Variants in IRF7 observed in about 807,000 individuals in gnomAD.
IRF7 encodes the protein interferon regulatory factor 7, also known as interferon regulatory factor-7H.
Under a neutral mutation model 51.3 loss-of-function variants are expected in IRF7, and 67 were observed. That is an observed-to-expected ratio of 1.31 (90% confidence interval 1.07 to 1.60). The LOEUF (loss-of-function observed/expected upper bound fraction) is 1.60, where lower values mean the gene tolerates loss of function less well. IRF7 is among the 40% of genes most tolerant of loss of function. The pLI, the probability that IRF7 is intolerant of heterozygous loss-of-function variation, is 0.00. For missense variants in IRF7, 873 were observed against 701.5 expected (o/e 1.24, Z -2.76); for synonymous variants, 427 against 301.3 (o/e 1.42, Z -4.32).
rs1286200733 is a variant in IRF7, at chr11:614,264, G to T, written c.589C>A (p.Leu197Met). The T allele has an allele frequency of 3.1e-6, 5 of 1,612,676 alleles. No homozygotes were observed. In the East Asian group the frequency reaches 1.1e-4, roughly 36 times the overall value. Residue 197 changes from leucine (L) to methionine (M), a missense_variant, in exon 6 of 11, where the codon CTG becomes ATG. By Grantham distance (15) the Leu-to-Met change is conservative. Transcript: ENST00000525445. Reference sequence around the variant, plus strand: ...GGATCTGCCCCCCATGACGCTGTCAGCAGATGGTCTGCCAGGCAGCTCTGT... The same window carrying T: ...GGATCTGCCCCCCATGACGCTGTCATCAGATGGTCTGCCAGGCAGCTCTGT... Reference protein sequence around the residue: ...VQQSCLADHLLTASWGADPVP... With the variant: ...VQQSCLADHLMTASWGADPVP...
rs146681075 is a variant in IRF7, at chr11:615,170, C to T, written c.110G>A (p.Arg37His). The change falls in exon 3 of 11, where the codon CGC becomes CAC. Residue 37 changes from arginine (R) to histidine (H), a missense_variant. By Grantham distance (29) the Arg-to-His change is conservative. Coordinates refer to ENST00000525445, the MANE Select transcript of IRF7 (RefSeq NM_001572.5). Reference protein sequence around the residue: ...YEGLQWLDEARTCFRVPWKHF... With the variant: ...YEGLQWLDEAHTCFRVPWKHF... ...CTTCCAGGGCACGCGGAAACAGGTG[C>T]GGGCCTCGTCCAGCCACTGCAGCCC... 3.5e-4 allele frequency: 556 copies of T among 1,603,658 alleles called. 4 individuals carry two copies. The African/African-American group carries it at 6.5e-3, about 19-fold the overall frequency.
At position 612,708 on chromosome 11, in the gene IRF7, G is replaced by A. The variant is rs1248556906; in HGVS notation, c.1449C>T (p.Ser483=). 5 of 1,612,998 alleles carry A rather than the reference G, an allele frequency of 3.1e-6. No homozygotes were observed. The highest frequency in any genetic ancestry group is 4.2e-6 in the Non-Finnish European group (5 of 1,180,012). Residue 483 remains serine, a synonymous_variant, in exon 11 of 11, where the codon TCC becomes TCT. Transcript: ENST00000525445. ...TGTCGTCATAGAGGCTGTTGGCGCT[G>A]GACAGGCAGAGGCTGAGGCTGCTGC... ...LDSSSLSLCL[S]SANSLYDDIE...
At chr11:614,681 G>A (rs1297868891) in intron 4 of IRF7, 116 bp downstream of exon 4, 2 of 1,389,306 alleles carry the variant, frequency 1.4e-6, no homozygotes, top group African/African-American at 1.4e-5. Context: ...CCTGTCCTGG[G>A]CCTGCTGGCA....
In IRF7 at chr11:614,423, CG is replaced by C. The variant is rs761864847; in HGVS notation, c.454-25del. 1.9e-6 allele frequency: 3 copies of C among 1,589,794 alleles called. No homozygotes were observed. In the African/African-American group the frequency reaches 4.0e-5, roughly 21 times the overall value. The stretch of plus-strand genomic sequence containing the variant: ...CCCTGCAGGGAAAAGTCAGGGTGAA[CG>C]TAAGCAGCTCCGCGGCCTGGCAGGA... On this transcript the variant is annotated intron_variant, in intron 5 of 10. Transcript: ENST00000525445.
In IRF7 at chr11:613,992, GT is replaced by G. The variant is rs1564882716; in HGVS notation, c.724del (p.Thr242ArgfsTer12). 3 of 1,608,422 alleles carry G rather than the reference GT, an allele frequency of 1.9e-6. No individual in the cohort carries two copies. In the South Asian group the frequency reaches 3.3e-5, roughly 18 times the overall value. ...GGGCTGGGGCCCGGGGCTGGGGGTC[GT>G]CTCTACTGCCCACCCGTACAGCTCC... ...AGELYGWAVE[T>X]TPSPGPQPAA... is the part of the protein sequence containing the mutation. On this transcript the variant is annotated frameshift_variant, in exon 7 of 11. Coordinates refer to ENST00000525445, the MANE Select transcript of IRF7 (RefSeq NM_001572.5). LOFTEE classifies it high-confidence loss of function.
chr11:615,167 G>T lies in IRF7; in HGVS notation c.113C>A (p.Thr38Asn). ...GTGCTTCCAGGGCACGCGGAAACAG[G>T]TGCGGGCCTCGTCCAGCCACTGCAG... ...EGLQWLDEAR[T>N]CFRVPWKHFA... Residue 38 changes from threonine to asparagine, a missense_variant, in exon 3 of 11, where the codon ACC becomes AAC. By Grantham distance (65) the Thr-to-Asn change is moderately conservative (BLOSUM62 0). Coordinates refer to ENST00000525445, the MANE Select transcript of IRF7 (RefSeq NM_001572.5). 6.2e-7 allele frequency: 1 copy of T among 1,604,332 alleles called. No individual in the cohort carries two copies. The highest frequency in any genetic ancestry group is 8.5e-7 in the Non-Finnish European group (1 of 1,179,114).
At position 614,319 on chromosome 11, in the gene IRF7, G is replaced by A. The variant is rs1201126026; in HGVS notation, c.534C>T (p.Asp178=). The A allele has an allele frequency of 3.7e-6, 6 of 1,611,340 alleles. No homozygotes were observed. The highest frequency in any genetic ancestry group is 3.3e-5 in the South Asian group (3 of 90,778). ...APGPLPAPAG[D]KGDLLLQAVQ... is the part of the protein sequence containing the mutation. ...CTGCCTGGAGCAGGAGGTCCCCCTTGTCACCAGCTGGGGCAGGGAGGGGGC... is the reference window on the plus strand; with the variant it reads ...CTGCCTGGAGCAGGAGGTCCCCCTTATCACCAGCTGGGGCAGGGAGGGGGC... The change falls in exon 6 of 11, where the codon GAC becomes GAT. Residue 178 remains aspartate, a synonymous_variant. Coordinates refer to ENST00000525445, the MANE Select transcript of IRF7 (RefSeq NM_001572.5).
rs1254902468 is a variant in IRF7 at position 613,420 on chromosome 11, C to G, written c.1023G>C (p.Lys341Asn). The change falls in exon 9 of 11, where the codon AAG (lysine) becomes AAC (asparagine). Residue 341 changes from lysine (K) to asparagine (N), a missense_variant. Coordinates refer to ENST00000525445, the MANE Select transcript of IRF7 (RefSeq NM_001572.5). ...GCAGTTCCTCCGTGTAGCGCAGCTGCTTCTGGTCCGGGAGCTCGGCAGGGC... is the reference window on the plus strand; with the variant it reads ...GCAGTTCCTCCGTGTAGCGCAGCTGGTTCTGGTCCGGGAGCTCGGCAGGGC... The part of the protein sequence containing the change: ...FPSPAELPDQ[K>N]QLRYTEELLR... 4 of 1,569,600 alleles carry G rather than the reference C, an allele frequency of 2.5e-6. No individual in the cohort carries two copies. Among genetic ancestry groups the G allele is most frequent in the South Asian group, 1.2e-5 (1 of 85,462 alleles).
intron 10 of IRF7, 55 bp downstream of exon 10, chr11:612,944 C>T (rs760975524): frequency 3.0e-5 from 48 of 1,592,004 alleles, no homozygotes; most frequent in South Asian, 6.7e-5. Flanking sequence ...GGGCATCAGG[C>T]GTCTGTCAGT....
In IRF7 at chr11:612,704, C is replaced by CGCTG; in HGVS notation, c.1449_1452dup (p.Ala485GlnfsTer7). 6.2e-7 allele frequency: 1 copy of CGCTG among 1,612,982 alleles called. No homozygotes were observed. The highest frequency in any genetic ancestry group is 8.5e-7 in the Non-Finnish European group (1 of 1,180,022). On this transcript the variant is annotated frameshift_variant, in exon 11 of 11. Coordinates refer to ENST00000525445, the MANE Select transcript of IRF7 (RefSeq NM_001572.5). LOFTEE classifies it high-confidence loss of function. ...TCGATGTCGTCATAGAGGCTGTTGGCGCTGGACAGGCAGAGGCTGAGGCTG... is the reference window on the plus strand; with the variant it reads ...TCGATGTCGTCATAGAGGCTGTTGGCGCTGGCTGGACAGGCAGAGGCTGAGGCTG...
chr11:615,537 C>T lies in IRF7; in HGVS notation c.-173G>A, dbSNP rs1284176651. 14 of 679,768 alleles carry T rather than the reference C, an allele frequency of 2.1e-5. No homozygotes were observed. Among genetic ancestry groups the T allele is most frequent in the East Asian group, 2.9e-5 (1 of 34,218 alleles). 42.1% of individuals were successfully genotyped at this position (679,768 alleles called of 1,614,324 possible). ...CCACCGACGCTGCCTCGGTATGGATCTCTTGGCAGAGGGGGCTACAGGTGT... is the reference window on the plus strand; with the variant it reads ...CCACCGACGCTGCCTCGGTATGGATTTCTTGGCAGAGGGGGCTACAGGTGT... On this transcript the variant is annotated 5_prime_UTR_variant, in exon 2 of 11. Coordinates refer to ENST00000525445, the MANE Select transcript of IRF7 (RefSeq NM_001572.5).
At position 615,181 on chromosome 11, in the gene IRF7, C is replaced by T. The variant is rs2133151353; in HGVS notation, c.99G>A (p.Leu33=). The T allele has an allele frequency of 1.9e-6, 3 of 1,603,932 alleles. No individual in the cohort carries two copies. The highest frequency in any genetic ancestry group is 2.5e-6 in the Non-Finnish European group (3 of 1,178,754). ...SSGCYEGLQW[L]DEARTCFRVP... is the part of the protein sequence containing the mutation. ...CGCGGAAACAGGTGCGGGCCTCGTC[C>T]AGCCACTGCAGCCCCTCATAGCAGC... Residue 33 remains leucine (L), a synonymous_variant, in exon 3 of 11, where the codon CTG becomes CTA. Transcript: ENST00000525445.
Position 613,019 on chromosome 11 carries a change from TCTC to T in IRF7, c.1333_1335del (p.Glu445del), listed in dbSNP as rs1402975485. On this transcript the variant is annotated inframe_deletion, in exon 10 of 11. Coordinates refer to ENST00000525445, the MANE Select transcript of IRF7 (RefSeq NM_001572.5). ...CTCACCTTCACCAGGACCAGGCTCT[TCTC>T]CTTGGGCCTCCCAGCTGACAGGTCC... The T allele has an allele frequency of 5.6e-6, 9 of 1,612,938 alleles. No homozygotes were observed. The highest frequency in any genetic ancestry group is 2.2e-5 in the South Asian group (2 of 91,086).
rs1856792103 is a variant in IRF7, at chr11:615,500, G to A, written c.-136C>T. The A allele has an allele frequency of 9.8e-7, 1 of 1,021,628 alleles. No individual in the cohort carries two copies. Among genetic ancestry groups the A allele is most frequent in the East Asian group, 2.7e-5 (1 of 36,892 alleles). The allele number at this position is 1,021,628 out of a possible 1,614,324, so 63.3% of individuals were successfully genotyped here. On this transcript the variant is annotated 5_prime_UTR_variant, in exon 2 of 11. Coordinates refer to ENST00000525445, the MANE Select transcript of IRF7 (RefSeq NM_001572.5). The stretch of plus-strand genomic sequence containing the variant: ...TCACAGGTGTCCACAGGTGTGGACT[G>A]AGGGCTTGTAGCCACCGACGCTGCC...
chr11:614,585 C>A (rs370042348), intron 4 of IRF7, 51 bp from the exon 5 acceptor site: 6 of 1,542,214 alleles, frequency 3.9e-6, no homozygotes, highest in South Asian at 1.2e-5. Flanking sequence ...GTGAGAGATA[C>A]AAGGAGAGCC....
At chr11:614,730 C>T (rs1856717819) in intron 4 of IRF7, 67 bp downstream of exon 4, 3 of 1,478,048 alleles carry the variant, frequency 2.0e-6, no homozygotes, top group African/African-American at 1.4e-5. Context: ...CAAATCTGAC[C>T]CAGAGAATGT....
At position 613,076 on chromosome 11, in the gene IRF7, G is replaced by A. The variant is rs201165872; in HGVS notation, c.1279C>T (p.Arg427Cys). ...CCGAAGCCCAGGTAGATGGTATAGC[G>A]TGGGGAGCCACGGCGCTGCCGTGCC... ...FRARQRRGSPRYTIYLGFGQD... is the reference protein window; with the variant it reads ...FRARQRRGSPCYTIYLGFGQD... The change falls in exon 10 of 11, where the codon CGC (arginine) becomes TGC (cysteine). Residue 427 changes from arginine to cysteine, a missense_variant. By Grantham distance (180) the Arg-to-Cys change is radical. Coordinates refer to ENST00000525445, the MANE Select transcript of IRF7 (RefSeq NM_001572.5). 55 of 1,613,082 alleles carry A rather than the reference G, an allele frequency of 3.4e-5. No homozygotes were observed. Among genetic ancestry groups the A allele is most frequent in the South Asian group, 1.9e-4 (17 of 91,086 alleles).
chr11:614,186 C>T lies in IRF7; in HGVS notation c.667G>A (p.Ala223Thr). Residue 223 changes from alanine to threonine, a missense_variant, in exon 6 of 11, where the codon GCC (alanine) becomes ACC (threonine). Transcript: ENST00000525445. ...EGQEGLPLTGACAGGPGLPAG... is the reference protein window; with the variant it reads ...EGQEGLPLTGTCAGGPGLPAG... ...GGCACGCCCACACCTCCAGCACAGG[C>T]CCCAGTCAGGGGAAGCCCTTCTTGT... 6.2e-7 allele frequency: 1 copy of T among 1,612,568 alleles called. No individual in the cohort carries two copies. Among genetic ancestry groups the T allele is most frequent in the Non-Finnish European group, 8.5e-7 (1 of 1,179,784 alleles).
Position 613,429 on chromosome 11 carries a change from C to T in IRF7, c.1014G>A (p.Pro338=), listed in dbSNP as rs760052779. The change falls in exon 9 of 11, where the codon CCG becomes CCA. Residue 338 remains proline, a synonymous_variant. Transcript: ENST00000525445. ...QVAFPSPAEL[P]DQKQLRYTEE... is the part of the protein sequence containing the mutation. ...CCGTGTAGCGCAGCTGCTTCTGGTC[C>T]GGGAGCTCGGCAGGGCTGGGGAATG... 5.7e-5 allele frequency: 89 copies of T among 1,561,830 alleles called. No homozygotes were observed. The highest frequency in any genetic ancestry group is 7.1e-5 in the Non-Finnish European group (82 of 1,154,048).
Sources: allele counts gnomAD v4.1 joint callset, GRCh38; gene constraint gnomAD v4.1.1; transcripts MANE v1.5; gene names NCBI Gene and HGNC (gene_info 2026-07-23, HGNC 2026-07-21).